Variants in VSNL1 observed in about 807,000 individuals in gnomAD.
The protein encoded by VSNL1 is visinin like 1.
VSNL1 carries 6 observed loss-of-function variants against 20.4 expected under a neutral mutation model. That is an observed-to-expected ratio of 0.29 (90% CI 0.16 to 0.58). The LOEUF (loss-of-function observed/expected upper bound fraction) is 0.58, where lower values mean the gene tolerates loss of function less well. Ranked by LOEUF, VSNL1 falls within the 20% of genes least tolerant of loss-of-function variation. VSNL1 has a pLI of 0.90. For synonymous variants in VSNL1, 93 were observed against 86.4 expected (o/e 1.08, Z -0.42); for missense variants, 100 against 234.5 (o/e 0.43, Z 3.75).
At chr2:17,637,644 C>G (rs1377999202) in intron 2 of VSNL1, among the ~76,000 whole-genome samples, 2 of 152,196 alleles carry the variant, frequency 1.3e-5, no homozygotes, top group Non-Finnish European at 2.9e-5. Flanking sequence ...TTCTGAGGAC[C>G]CATTAGCAGC....
Position 17,655,428 on chromosome 2 carries a change from TC to T in VSNL1, c.*35del. Reference sequence around the variant, plus strand: ...CAATGCTATGGACTGCACAAAAGTCTCAATGTTCCATTCAGTCTGCAGCTAT... The same window carrying T: ...CAATGCTATGGACTGCACAAAAGTCTAATGTTCCATTCAGTCTGCAGCTAT... On this transcript the variant is annotated 3_prime_UTR_variant, in exon 4 of 4. Transcript: ENST00000295156. The surrounding 1 kb of genome is among the most constrained non-coding windows in gnomAD (Gnocchi z 5.2). 1 of 1,580,986 alleles carries T rather than the reference TC, an allele frequency of 6.3e-7. No individual in the cohort carries two copies.
rs573716164 is a variant in VSNL1 at position 17,582,516 on chromosome 2, C to T, written c.-5-9554C>T. 4.7e-4 allele frequency among the ~76,000 whole-genome samples: 72 copies of T among 152,154 alleles called. 1 individual carries two copies. The highest frequency in any genetic ancestry group is 2.4e-3 in the Admixed American group (36 of 15,278). On this transcript the variant is annotated intron_variant, in intron 1 of 3. Transcript: ENST00000295156. ...ATGGCTTGAACCAAAGTAGTGGCAA[C>T]AGAGAAAAGTAGATGGAATCAAGAG...
intron 1 of VSNL1, among the ~76,000 whole-genome samples, chr2:17,543,253 C>T (rs1402757490): frequency 6.6e-6 from 1 of 152,192 alleles, no homozygotes; most frequent in Non-Finnish European, 1.5e-5. Context: ...CTTTGGAATC[C>T]TTGGCGTTTG....
intron 2 of VSNL1, among the ~76,000 whole-genome samples, chr2:17,642,360 G>C (rs547391103): frequency 7.6e-6 from 1 of 131,360 alleles, no homozygotes; most frequent in South Asian, 2.4e-4. Context: ...CCAGGCTGGA[G>C]TGCAGTGGCG....
intron 1 of VSNL1, among the ~76,000 whole-genome samples, chr2:17,564,388 T>G (rs62131520): frequency 6.6e-6 from 1 of 152,224 alleles, no homozygotes; most frequent in East Asian, 1.9e-4. Context: ...TCATTAAATG[T>G]ACCTTTATTA....
At chr2:17,558,418 A>G (rs909294415) in intron 1 of VSNL1, among the ~76,000 whole-genome samples, 2 of 152,224 alleles carry the variant, frequency 1.3e-5, no homozygotes, top group African/African-American at 4.8e-5. Context: ...CCTTTAAAGT[A>G]GTAGAAATCT....
intron 1 of VSNL1, among the ~76,000 whole-genome samples, chr2:17,556,524 T>G (rs1020723223): frequency 2.6e-5 from 4 of 152,182 alleles, no homozygotes; most frequent in African/African-American, 9.6e-5. Flanking sequence ...CAGAAACTGT[T>G]AAGTCTATTT....
At chr2:17,552,669 C>T (rs1663573450) in intron 1 of VSNL1, among the ~76,000 whole-genome samples, 1 of 151,614 alleles carries the variant, frequency 6.6e-6, no homozygotes, top group South Asian at 2.1e-4. Flanking sequence ...ATTAGCACAG[C>T]AAAAAAAATC....
chr2:17,559,641 A>G (rs1256969247), intron 1 of VSNL1, among the ~76,000 whole-genome samples: 2 of 152,306 alleles, frequency 1.3e-5, no homozygotes, highest in East Asian at 3.9e-4. Context: ...AGTTCTACCT[A>G]TTATTACTGA....
At chr2:17,604,600 G>A (rs929571734) in intron 2 of VSNL1, among the ~76,000 whole-genome samples, 4 of 152,242 alleles carry the variant, frequency 2.6e-5, no homozygotes, top group African/African-American at 4.8e-5. Flanking sequence ...ACAGTAACAC[G>A]GTGTTCCCGT....
At position 17,642,856 on chromosome 2, in the gene VSNL1, C is replaced by T. The variant is rs368903420; in HGVS notation, c.163-6554C>T. ...TTATTCTCAAATAGATGTAATTATA[C>T]GAGAATCACAGGCTAATAATGGCTA... On this transcript the variant is annotated intron_variant, in intron 2 of 3. Coordinates refer to ENST00000295156, the MANE Select transcript of VSNL1 (RefSeq NM_003385.5). 3.5e-4 allele frequency among the ~76,000 whole-genome samples: 54 copies of T among 152,284 alleles called. No homozygotes were observed. The South Asian group carries it at 9.7e-3, about 27-fold the overall frequency.
intron 1 of VSNL1, among the ~76,000 whole-genome samples, chr2:17,576,649 A>T (rs1210040511): frequency 6.6e-6 from 1 of 152,182 alleles, no homozygotes; most frequent in Non-Finnish European, 1.5e-5. Context: ...ACGTATGTTG[A>T]ATATATAGTC....
Position 17,654,653 on chromosome 2 carries a change from CA to C in VSNL1, c.379-542del, listed in dbSNP as rs1432373244. ...AAATTCTTCTATATCCAGTTGGTCACAAGGCTCACCCATATTTGATTATGTC... is the reference window on the plus strand; with the variant it reads ...AAATTCTTCTATATCCAGTTGGTCACAGGCTCACCCATATTTGATTATGTC... On this transcript the variant is annotated intron_variant, in intron 3 of 3. Coordinates refer to ENST00000295156, the MANE Select transcript of VSNL1 (RefSeq NM_003385.5). Among the ~76,000 whole-genome samples the C allele has an allele frequency of 5.9e-5, 9 of 152,338 alleles. No homozygotes were observed. The East Asian group carries it at 1.5e-3, about 26-fold the overall frequency.
At chr2:17,553,949 A>G (rs1295139671) in intron 1 of VSNL1, among the ~76,000 whole-genome samples, 1 of 152,218 alleles carries the variant, frequency 6.6e-6, no homozygotes, top group African/African-American at 2.4e-5. Context: ...AAATAAATTC[A>G]TAATAAAGAA....
At chr2:17,575,568 C>T (rs1028172917) in intron 1 of VSNL1, among the ~76,000 whole-genome samples, 2 of 151,640 alleles carry the variant, frequency 1.3e-5, no homozygotes, top group Admixed American at 6.6e-5. Flanking sequence ...TGGAGTCTCA[C>T]ACTGTCGCCC....
At chr2:17,582,327 G>A (rs1664368309) in intron 1 of VSNL1, among the ~76,000 whole-genome samples, 1 of 152,160 alleles carries the variant, frequency 6.6e-6, no homozygotes, top group African/African-American at 2.4e-5. Context: ...TGAGGATAAT[G>A]AGAGACCACT....
chr2:17,637,049 A>T lies in VSNL1; in HGVS notation c.163-12361A>T, dbSNP rs1665766679. On this transcript the variant is annotated intron_variant, in intron 2 of 3. Transcript: ENST00000295156. Reference sequence around the variant, plus strand: ...CATAGGCTGTCGCCCACCCGGATCTAGTCCTTGCTGCCTCCACCCTCTAGA... The same window carrying T: ...CATAGGCTGTCGCCCACCCGGATCTTGTCCTTGCTGCCTCCACCCTCTAGA... Among the ~76,000 whole-genome samples the T allele has an allele frequency of 2.0e-5, 3 of 152,154 alleles. No homozygotes were observed. In the South Asian group the frequency reaches 6.2e-4, roughly 31 times the overall value.
intron 1 of VSNL1, among the ~76,000 whole-genome samples, chr2:17,579,560 G>A (rs541765162): frequency 5.3e-5 from 8 of 152,288 alleles, no homozygotes; most frequent in South Asian, 4.1e-4. Flanking sequence ...TGGCAAATTC[G>A]TTGAGGCAGA....
chr2:17,621,122 C>A (rs1665344738), intron 2 of VSNL1, among the ~76,000 whole-genome samples: 1 of 152,108 alleles, frequency 6.6e-6, no homozygotes, highest in Non-Finnish European at 1.5e-5. Context: ...AAAAACAATA[C>A]CTAGCATATC....
Sources: gnomAD v4.1 joint callset for allele counts (sites outside exome capture counted in the v4.1 genomes callset) on GRCh38, gnomAD v4.1.1 for gene constraint, Gnocchi (gnomAD v3.1) non-coding constraint, MANE v1.5 for transcripts, NCBI Gene and HGNC (gene_info 2026-07-23, HGNC 2026-07-21) for gene names.